ERC2: variants seen among roughly 807,000 people sequenced by gnomAD.
The protein encoded by ERC2 is ERC protein 2.
A neutral mutation model predicts 114.8 loss-of-function variants in ERC2; 42 were observed. That is an observed-to-expected ratio of 0.37 (90% CI 0.29 to 0.47). The LOEUF is 0.47. Among genes scored for constraint, ERC2 ranks in the 20% least tolerant of loss-of-function variants. ERC2 has a pLI of 0.99. For synonymous variants in ERC2, 454 were observed against 425.5 expected (o/e 1.07, Z -0.82); for missense variants, 939 against 1,150.7 (o/e 0.82, Z 2.66).
intron 2 of ERC2, among the ~76,000 whole-genome samples, chr3:56,431,335 C>T (rs1234368420): frequency 6.6e-6 from 1 of 152,104 alleles, no homozygotes; most frequent in Admixed American, 6.5e-5. Context: ...GAGAGGACTC[C>T]ACCTCACACT....
chr3:55,594,341 C>A (rs1009235054), intron 17 of ERC2, among the ~76,000 whole-genome samples: 54 of 152,070 alleles, frequency 3.6e-4, no homozygotes, highest in African/African-American at 1.3e-3. Flanking sequence ...CAAATCTAGG[C>A]CTGAAAACAC....
intron 3 of ERC2, among the ~76,000 whole-genome samples, chr3:56,179,313 G>T (rs1025297962): frequency 3.3e-5 from 5 of 152,120 alleles, no homozygotes; most frequent in African/African-American, 1.2e-4. Flanking sequence ...GGGGTGGGTG[G>T]GAATGAGAGG....
intron 2 of ERC2, among the ~76,000 whole-genome samples, chr3:56,323,002 T>G (rs144186632): frequency 7.6e-4 from 116 of 152,242 alleles, no homozygotes; most frequent in African/African-American, 2.6e-3. Context: ...TTAGTTACCT[T>G]GAGAGTAGGT....
chr3:56,361,026 C>T (rs938650177), intron 2 of ERC2, among the ~76,000 whole-genome samples: 2 of 152,104 alleles, frequency 1.3e-5, no homozygotes, highest in African/African-American at 2.4e-5. Flanking sequence ...GAAAGATCCT[C>T]GCATGTTGAA....
rs746042009 is a variant in ERC2 at position 56,010,485 on chromosome 3, C to G, written c.1884G>C (p.Lys628Asn). Residue 628 changes from lysine to asparagine, a missense_variant, in exon 9 of 18, where the codon AAG (lysine) becomes AAC (asparagine). Transcript: ENST00000288221. ...FRKENKDLKE[K>N]VNALQAELTE... is the part of the protein sequence containing the mutation. ...TCAGTTCAGCCTGTAAAGCATTGAC[C>G]TTCTCTTTCAGGTCTTTGTTCTCTT... is the stretch of plus-strand genomic sequence containing the variant. 2.5e-6 allele frequency: 4 copies of G among 1,613,470 alleles called. No individual in the cohort carries two copies. The South Asian group carries it at 4.4e-5, about 18-fold the overall frequency.
Position 56,414,712 on chromosome 3 carries a change from G to A in ERC2, c.657+19639C>T, listed in dbSNP as rs557094504. ...TACGCTCCACCCAGGGCGACAGAGC[G>A]AGACTCTGTCTCAAAAAAAAAAAAA... On this transcript the variant is annotated intron_variant, in intron 2 of 17. Transcript: ENST00000288221. Among the ~76,000 whole-genome samples, 15 of 147,648 alleles carry A rather than the reference G, an allele frequency of 1.0e-4. No individual in the cohort carries two copies. The South Asian group carries it at 2.6e-3, about 26-fold the overall frequency.
At chr3:56,083,930 A>G (rs1428237803) in intron 6 of ERC2, among the ~76,000 whole-genome samples, 1 of 152,162 alleles carries the variant, frequency 6.6e-6, no homozygotes, top group African/African-American at 2.4e-5. Context: ...GAACAGGGGA[A>G]GTAAAGGATT....
Position 55,947,973 on chromosome 3 carries a change from T to C in ERC2, c.2403+2452A>G, listed in dbSNP as rs535972460. On this transcript the variant is annotated intron_variant, in intron 13 of 17. Transcript: ENST00000288221. The stretch of plus-strand genomic sequence containing the variant: ...TTTCTGTCGGAAAACTGTAAACTTA[T>C]GAAATAAAGAAGACTGGATTTGTAA... Among the ~76,000 whole-genome samples the C allele has an allele frequency of 3.9e-5, 6 of 152,348 alleles. 1 individual carries two copies. The South Asian group carries it at 8.3e-4, about 21-fold the overall frequency.
At chr3:55,580,652 T>C (rs1385722598) in intron 17 of ERC2, among the ~76,000 whole-genome samples, 1 of 152,184 alleles carries the variant, frequency 6.6e-6, no homozygotes, top group Non-Finnish European at 1.5e-5. Flanking sequence ...AGTGTCTGGA[T>C]TGACTTCATA....
At chr3:55,798,439 A>C (rs372669066) in intron 14 of ERC2, among the ~76,000 whole-genome samples, 6 of 152,214 alleles carry the variant, frequency 3.9e-5, no homozygotes, top group African/African-American at 1.4e-4. Flanking sequence ...TCTACTAAAA[A>C]TACAAAAAAT....
At chr3:56,307,375 G>C (rs2056290541) in intron 2 of ERC2, among the ~76,000 whole-genome samples, 2 of 152,198 alleles carry the variant, frequency 1.3e-5, no homozygotes, top group Non-Finnish European at 2.9e-5. Flanking sequence ...TACAGTGTAG[G>C]GAGGAAAGTA....
At chr3:56,035,581 C>T (rs912982809) in intron 7 of ERC2, among the ~76,000 whole-genome samples, 17 of 152,140 alleles carry the variant, frequency 1.1e-4, no homozygotes, top group African/African-American at 1.2e-4. Context: ...AATGGATTAA[C>T]GCCATTATAA....
chr3:56,111,040 G>T (rs773746987), intron 6 of ERC2, among the ~76,000 whole-genome samples: 5 of 152,088 alleles, frequency 3.3e-5, no homozygotes, highest in Non-Finnish European at 7.4e-5. Flanking sequence ...GTGGCTCAAG[G>T]ACTCTAAGTC....
At chr3:55,966,199 A>T (rs1016319336) in intron 12 of ERC2, among the ~76,000 whole-genome samples, 1 of 152,198 alleles carries the variant, frequency 6.6e-6, no homozygotes, top group African/African-American at 2.4e-5. Flanking sequence ...CCCCTGGAAC[A>T]TAAGCCTTCC....
At chr3:56,056,709 A>G (rs984904104) in intron 7 of ERC2, among the ~76,000 whole-genome samples, 14 of 152,168 alleles carry the variant, frequency 9.2e-5, no homozygotes, top group Admixed American at 8.5e-4. Context: ...TGATGTGACA[A>G]GTGCTCTCTG....
At chr3:55,732,382 C>T (rs62249317) in intron 15 of ERC2, among the ~76,000 whole-genome samples, 2,866 of 152,256 alleles carry the variant, frequency 0.019, 37 homozygotes, top group Middle Eastern at 0.031. Flanking sequence ...GGAGCCCATC[C>T]TCTTCCTTCA....
chr3:55,543,417 A>G (rs2054532939), intron 17 of ERC2, among the ~76,000 whole-genome samples: 1 of 152,086 alleles, frequency 6.6e-6, no homozygotes, highest in South Asian at 2.1e-4. Flanking sequence ...CACGTGGGGG[A>G]TGTTCTCATA....
In ERC2 at chr3:55,899,512, TGA is replaced by T. The variant is rs370485052; in HGVS notation, c.2404-10965_2404-10964del. Among the ~76,000 whole-genome samples, 8 of 151,888 alleles carry T rather than the reference TGA, an allele frequency of 5.3e-5. No homozygotes were observed. In the East Asian group the frequency reaches 5.8e-4, roughly 11 times the overall value. On this transcript the variant is annotated intron_variant, in intron 13 of 17. Transcript: ENST00000288221. ...GAATACGTGTGTGAGTGTGTGTGTG[TGA>T]GAGAGAGAGTGTGTGTGTGATTTAA... is the stretch of plus-strand genomic sequence containing the variant.
chr3:55,915,798 G>T (rs2065061552), intron 13 of ERC2, among the ~76,000 whole-genome samples: 1 of 152,092 alleles, frequency 6.6e-6, no homozygotes. Context: ...GAGGCTTTGT[G>T]ATCACTTCCT....
Sources: allele counts gnomAD v4.1 joint callset (sites outside exome capture counted in the v4.1 genomes callset), GRCh38; gene constraint gnomAD v4.1.1; transcripts MANE v1.5; gene names NCBI Gene and HGNC (gene_info 2026-07-23, HGNC 2026-07-21).